MYO16: variants seen among roughly 807,000 people sequenced by gnomAD.
The protein encoded by MYO16 is myosin XVI, also known as unconventional myosin-XVI.
A neutral mutation model predicts 205.3 loss-of-function variants in MYO16; 94 were observed. That is an observed-to-expected ratio of 0.46 (90% CI 0.39 to 0.54). The LOEUF is 0.54. MYO16 is among the 20% of genes least tolerant of loss of function. MYO16 has a pLI of 0.00. For synonymous variants in MYO16, 988 were observed against 954.0 expected, an observed-to-expected ratio of 1.04 and a Z score of -0.66; for missense variants, 2,315 against 2,387.5, an observed-to-expected ratio of 0.97 and a Z score of 0.63.
At chr13:108,907,827 C>T (rs887806441) in intron 15 of MYO16, among the ~76,000 whole-genome samples, 2 of 152,266 alleles carry the variant, frequency 1.3e-5, no homozygotes, top group Non-Finnish European at 2.9e-5. Flanking sequence ...TCAATCAGGG[C>T]TTGCATATTG....
At chr13:108,871,620 G>A (rs1281311373) in intron 12 of MYO16, among the ~76,000 whole-genome samples, 2 of 152,008 alleles carry the variant, frequency 1.3e-5, no homozygotes, top group African/African-American at 4.8e-5. Context: ...TGGAAAGTTG[G>A]GCTGATATTC....
In MYO16 at chr13:109,100,700, C is replaced by T. The variant is rs117443334; in HGVS notation, c.3336-85C>T. ...GAAAGACGGGGAAACTTTTGGGAAA[C>T]GATGTAACAAAGACAGCCCTGTTGA... On this transcript the variant is annotated intron_variant, in intron 27 of 34. Transcript: ENST00000457511. The T allele has an allele frequency of 1.2e-3, 1,240 of 1,054,122 alleles. 5 individuals carry two copies. In the African/African-American group the frequency reaches 0.014, roughly 12 times the overall value. 65.3% of individuals were successfully genotyped at this position (1,054,122 alleles called of 1,614,324 possible). A position where few individuals can be genotyped will look rare whatever the true frequency, so the allele number is the denominator to read the frequency against.
intron 3 of MYO16, 79 bp from the exon 4 acceptor site, chr13:108,727,361 T>G (rs939064403): frequency 4.1e-6 from 6 of 1,466,140 alleles, no homozygotes; most frequent in Non-Finnish European, 3.7e-6. Flanking sequence ...TGAAGTTTTT[T>G]TTTAAATCTG....
chr13:108,496,960 G>A, the MYO16 span, among the ~76,000 whole-genome samples: 1 of 152,222 alleles, frequency 6.6e-6, no homozygotes, highest in East Asian at 1.9e-4. Context: ...TGAGTTAGTG[G>A]CTTTCTCTGC....
chr13:108,593,246 C>G (rs1878451616), upstream of MYO16, among the ~76,000 whole-genome samples: 1 of 152,134 alleles, frequency 6.6e-6, no homozygotes, highest in South Asian at 2.1e-4. Flanking sequence ...CGAAAATGCT[C>G]AAGTGGGTCT....
chr13:108,697,590 T>C (rs1180734887), intron 2 of MYO16, among the ~76,000 whole-genome samples: 1 of 152,250 alleles, frequency 6.6e-6, no homozygotes, highest in Non-Finnish European at 1.5e-5. Context: ...TCACTGCTGC[T>C]GATGAAATAA....
At chr13:109,029,729 C>T (rs578084409) in intron 23 of MYO16, among the ~76,000 whole-genome samples, 2 of 152,090 alleles carry the variant, frequency 1.3e-5, no homozygotes, top group Non-Finnish European at 2.9e-5. Flanking sequence ...CTTGAGCAGG[C>T]GTTTTGAAAA....
Position 108,823,261 on chromosome 13 carries a change from C to G in MYO16, c.1080C>G (p.Pro360=). 1 of 1,610,522 alleles carries G rather than the reference C, an allele frequency of 6.2e-7. No homozygotes were observed. The highest frequency in any genetic ancestry group is 8.5e-7 in the Non-Finnish European group (1 of 1,178,160). The part of the protein sequence containing the change: ...EPYEEIIHDL[P]VLSSKLSPLV... ...ATGAAGAGATCATTCACGATCTTCC[C>G]GTACTGTCGAGTAAGCTGTAAGTGT... Residue 360 remains proline (P), a synonymous_variant, in exon 9 of 35, where the codon CCC becomes CCG. Transcript: ENST00000457511.
At position 109,009,017 on chromosome 13, in the gene MYO16, A is replaced by T; in HGVS notation, c.2563A>T (p.Asn855Tyr). 6.2e-7 allele frequency: 1 copy of T among 1,601,984 alleles called. No individual in the cohort carries two copies. Among genetic ancestry groups the T allele is most frequent in the South Asian group, 1.1e-5 (1 of 87,552 alleles). Residue 855 changes from asparagine to tyrosine, a missense_variant, in exon 22 of 35, where the codon AAC (asparagine) becomes TAC (tyrosine). Coordinates refer to ENST00000457511, the MANE Select transcript of MYO16 (RefSeq NM_001198950.3). ...VTMETAYSPG[N>Y]QNGVLDFFFQ... ...CATGGAAACAGCATATTCTCCTGGTAACCAGAATGGAGTTTTGGACTTTTT... is the reference window on the plus strand; with the variant it reads ...CATGGAAACAGCATATTCTCCTGGTTACCAGAATGGAGTTTTGGACTTTTT...
intron 4 of MYO16, among the ~76,000 whole-genome samples, chr13:108,760,580 A>G (rs952289991): frequency 4.6e-5 from 7 of 152,078 alleles, no homozygotes; most frequent in African/African-American, 1.7e-4. Flanking sequence ...TCCACCTGAC[A>G]TATAATCTTT....
intron 34 of MYO16, among the ~76,000 whole-genome samples, chr13:109,206,084 C>T (rs967172391): frequency 2.6e-5 from 4 of 152,208 alleles, no homozygotes; most frequent in South Asian, 2.1e-4. Context: ...TGTCTATGAA[C>T]GGACCCTCAT....
chr13:108,686,625 C>T (rs1882689296), intron 2 of MYO16, among the ~76,000 whole-genome samples: 1 of 152,148 alleles, frequency 6.6e-6, no homozygotes, highest in Non-Finnish European at 1.5e-5. Flanking sequence ...GTTCCTAAAA[C>T]TAGTTGAGGG....
At chr13:108,889,095 A>G (rs1168706122) in intron 14 of MYO16, among the ~76,000 whole-genome samples, 1 of 152,004 alleles carries the variant, frequency 6.6e-6, no homozygotes, top group Non-Finnish European at 1.5e-5. Flanking sequence ...TTGGTGTGTT[A>G]GGACATTTTG....
chr13:108,527,052 G>A, the MYO16 span, among the ~76,000 whole-genome samples: 1 of 152,166 alleles, frequency 6.6e-6, no homozygotes, highest in Non-Finnish European at 1.5e-5. Context: ...TGTGATCACA[G>A]ATGGTGAGTT....
At chr13:108,696,857 C>A (rs1425847986) in intron 2 of MYO16, among the ~76,000 whole-genome samples, 1 of 151,918 alleles carries the variant, frequency 6.6e-6, no homozygotes, top group African/African-American at 2.4e-5. Flanking sequence ...TTTCTTTCTT[C>A]TAGTTGTCTG....
rs375808482 is a variant in MYO16 at position 109,117,050 on chromosome 13, G to A, written c.3439-3320G>A. On this transcript the variant is annotated intron_variant, in intron 28 of 34. Coordinates refer to ENST00000457511, the MANE Select transcript of MYO16 (RefSeq NM_001198950.3). ...TCTGAAGTCACAATACAAACTGGTA[G>A]GCCAGTTTCACCCCATGTTTCTTTT... Among the ~76,000 whole-genome samples the A allele has an allele frequency of 7.9e-5, 12 of 152,192 alleles. No individual in the cohort carries two copies. In the East Asian group the frequency reaches 1.2e-3, roughly 15 times the overall value.
the MYO16 span, among the ~76,000 whole-genome samples, chr13:108,579,085 G>A: frequency 2.6e-5 from 4 of 152,064 alleles, no homozygotes; most frequent in African/African-American, 7.2e-5. Flanking sequence ...TCCTTTGTAG[G>A]GGATGTTAGG....
chr13:108,809,791 G>A (rs1326358398), intron 7 of MYO16, among the ~76,000 whole-genome samples: 1 of 152,162 alleles, frequency 6.6e-6, no homozygotes, highest in African/African-American at 2.4e-5. Flanking sequence ...AGGCCTCCAT[G>A]GCCTTCTCAC....
chr13:109,079,550 C>T (rs866085059), intron 27 of MYO16, among the ~76,000 whole-genome samples: 8 of 152,076 alleles, frequency 5.3e-5, no homozygotes, highest in Non-Finnish European at 8.8e-5. Flanking sequence ...CGCTTATAAG[C>T]GGAAGCTAAA....
Sources: allele counts gnomAD v4.1 joint callset (sites outside exome capture counted in the v4.1 genomes callset), GRCh38; gene constraint gnomAD v4.1.1; transcripts MANE v1.5; gene names NCBI Gene and HGNC (gene_info 2026-07-23, HGNC 2026-07-21).